CDH22: variants seen among roughly 807,000 people sequenced by gnomAD.
CDH22 encodes the protein cadherin 22, also known as cadherin-22.
Under a neutral mutation model 58.4 loss-of-function variants are expected in CDH22, and 30 were observed. The observed-to-expected ratio is 0.51, with a 90% CI of 0.38 to 0.70. The LOEUF (loss-of-function observed/expected upper bound fraction) is 0.70, where lower values mean the gene tolerates loss of function less well. Among genes scored for constraint, CDH22 ranks in the 30% least tolerant of loss-of-function variants. The pLI is 0.00. For synonymous variants in CDH22, 513 were observed against 558.2 expected (o/e 0.92, Z 1.14); for missense variants, 1,014 against 1,233.9 (o/e 0.82, Z 2.67).
At chr20:46,267,229 T>A (rs1568678724) in intron 1 of CDH22, among the ~76,000 whole-genome samples, 1 of 152,088 alleles carries the variant, frequency 6.6e-6, no homozygotes, top group Non-Finnish European at 1.5e-5. Flanking sequence ...TAGCAGATTC[T>A]GATGTTGGCC....
At chr20:46,200,971 A>G (rs916735131) in intron 7 of CDH22, among the ~76,000 whole-genome samples, 1 of 152,118 alleles carries the variant, frequency 6.6e-6, no homozygotes, top group Admixed American at 6.5e-5. Context: ...CGCGCGAGCT[A>G]ATCTGCAGCT....
At chr20:46,232,547 GCCTCTTCCCTA>G (rs2086226841) in intron 3 of CDH22, among the ~76,000 whole-genome samples, 1 of 152,176 alleles carries the variant, frequency 6.6e-6, no homozygotes. Context: ...TTATCATCCT[GCCTCTTCCCTA>G]CCTCCTTTTG....
chr20:46,189,110 G>T (rs1164384617), intron 8 of CDH22, among the ~76,000 whole-genome samples: 3 of 152,180 alleles, frequency 2.0e-5, no homozygotes, highest in East Asian at 1.9e-4. Flanking sequence ...CACCTCCTGG[G>T]GGGGCGGGCG....
chr20:46,200,639 G>T (rs2085953149), intron 7 of CDH22, among the ~76,000 whole-genome samples: 1 of 152,182 alleles, frequency 6.6e-6, no homozygotes, highest in African/African-American at 2.4e-5. Context: ...CAGAGACCGG[G>T]AGTGTGGGTG....
chr20:46,251,195 C>G lies in CDH22; in HGVS notation c.100G>C (p.Gly34Arg). 6.8e-7 allele frequency: 1 copy of G among 1,478,878 alleles called. No homozygotes were observed. Among genetic ancestry groups the G allele is most frequent in the African/African-American group, 1.5e-5 (1 of 68,060 alleles). 91.6% of individuals were successfully genotyped at this position (1,478,878 alleles called of 1,614,324 possible). ...GGTGTGCCCGCTGCCCACAGGCGCC[C>G]CAGCAGCGTCGGCGGCGGCGGCAGC... is the stretch of plus-strand genomic sequence containing the variant. ...LLLPPPPTLL[G>R]RLWAAGTPSP... Residue 34 changes from glycine to arginine, a missense_variant, in exon 2 of 12, where the codon GGG becomes CGG. By Grantham distance (125) the Gly-to-Arg change is moderately radical (BLOSUM62 -2). Transcript: ENST00000537909. The surrounding 1 kb of genome is among the most constrained non-coding windows in gnomAD (Gnocchi z 6.7).
chr20:46,305,714 G>C (rs1283880478), intron 1 of CDH22, among the ~76,000 whole-genome samples: 1 of 152,276 alleles, frequency 6.6e-6, no homozygotes, highest in African/African-American at 2.4e-5. Flanking sequence ...AGAACAGAGA[G>C]AGAGAGGAGA....
chr20:46,255,506 C>T (rs959675731), intron 1 of CDH22, among the ~76,000 whole-genome samples: 8 of 152,324 alleles, frequency 5.3e-5, no homozygotes, highest in South Asian at 2.1e-4. Flanking sequence ...AAGCCTGCCC[C>T]GCCTTGTGAG....
Position 46,270,323 on chromosome 20 carries a change from G to A in CDH22, c.-399-18630C>T, listed in dbSNP as rs891706817. On this transcript the variant is annotated intron_variant, in intron 1 of 11. Coordinates refer to ENST00000537909, the MANE Select transcript of CDH22 (RefSeq NM_021248.3). ...TCCCCAGGTAGGGCCTGCTGGGGCTGCAGGCTGCAGTGCAGTTTGGCCAAA... is the reference window on the plus strand; with the variant it reads ...TCCCCAGGTAGGGCCTGCTGGGGCTACAGGCTGCAGTGCAGTTTGGCCAAA... Among the ~76,000 whole-genome samples the A allele has an allele frequency of 2.6e-5, 4 of 152,314 alleles. No individual in the cohort carries two copies. In the South Asian group the frequency reaches 8.3e-4, roughly 32 times the overall value.
chr20:46,241,395 G>T lies in CDH22; in HGVS notation c.256-138C>A. 2 of 746,264 alleles carry T rather than the reference G, an allele frequency of 2.7e-6. No homozygotes were observed. Among genetic ancestry groups the T allele is most frequent in the Non-Finnish European group, 4.3e-6 (2 of 470,380 alleles). 46.2% of individuals were successfully genotyped at this position (746,264 alleles called of 1,614,324 possible). On this transcript the variant is annotated intron_variant, in intron 2 of 11. Transcript: ENST00000537909. This position sits in a 1 kb window ranked among gnomAD's most constrained non-coding sequence, Gnocchi z 5.2. ...ACACATCTTTAGTGAGGACACTGAG[G>T]CCCAGCAGCCACGCTCACTTCCATC...
intron 7 of CDH22, among the ~76,000 whole-genome samples, chr20:46,201,859 A>G (rs1416367096): frequency 5.9e-5 from 9 of 152,136 alleles, no homozygotes; most frequent in Non-Finnish European, 1.2e-4. Flanking sequence ...ATTCCTCCCT[A>G]GCATGCACCT....
chr20:46,174,577 C>G lies in CDH22; in HGVS notation c.2416G>C (p.Gly806Arg), dbSNP rs1317883569. The G allele has an allele frequency of 6.5e-7, 1 of 1,530,738 alleles. No individual in the cohort carries two copies. The highest frequency in any genetic ancestry group is 1.2e-5 in the South Asian group (1 of 82,934). The allele number at this position is 1,530,738 out of a possible 1,614,324, so 94.8% of individuals were successfully genotyped here. The change falls in exon 12 of 12, where the codon GGT becomes CGT. Residue 806 changes from glycine to arginine, a missense_variant. Transcript: ENST00000537909. This position sits in a 1 kb window ranked among gnomAD's most constrained non-coding sequence, Gnocchi z 4.4. ...GCGGCCAGGGGCCGGAAGCGCGGACCCCAGCTGCTGAGATAGGCGAAGTCC... is the reference window on the plus strand; with the variant it reads ...GCGGCCAGGGGCCGGAAGCGCGGACGCCAGCTGCTGAGATAGGCGAAGTCC... ...EQDFAYLSSW[G>R]PRFRPLAALY... is the part of the protein sequence containing the mutation.
At chr20:46,175,795 C>T (rs1033312067) in intron 11 of CDH22, among the ~76,000 whole-genome samples, 18 of 152,306 alleles carry the variant, frequency 1.2e-4, no homozygotes, top group African/African-American at 4.3e-4. Context: ...ACAAGACCTG[C>T]AGACCTGAAG....
chr20:46,184,438 C>G (rs1277443410), intron 10 of CDH22, among the ~76,000 whole-genome samples: 1 of 152,130 alleles, frequency 6.6e-6, no homozygotes, highest in African/African-American at 2.4e-5. Flanking sequence ...TTATCAAACA[C>G]CTACGATATG....
intron 8 of CDH22, among the ~76,000 whole-genome samples, chr20:46,191,643 G>A (rs1162342508): frequency 6.6e-6 from 1 of 152,186 alleles, no homozygotes; most frequent in African/African-American, 2.4e-5. Flanking sequence ...GAGGAAACGG[G>A]CTCAGAGGGG....
chr20:46,183,754 T>C (rs907678448), intron 10 of CDH22, among the ~76,000 whole-genome samples: 13 of 61,360 alleles, frequency 2.1e-4, no homozygotes, highest in African/African-American at 9.0e-4. Flanking sequence ...GGGTCTGGCT[T>C]CAGAGGCCAC....
chr20:46,290,437 A>C (rs998715592), intron 1 of CDH22, among the ~76,000 whole-genome samples: 2 of 152,204 alleles, frequency 1.3e-5, no homozygotes, highest in African/African-American at 4.8e-5. Context: ...ACGACAAAGA[A>C]TTATCCAGCC....
Position 46,251,124 on chromosome 20 carries a change from G to A in CDH22, c.171C>T (p.Ala57=), listed in dbSNP as rs575274669. 86 of 1,606,396 alleles carry A rather than the reference G, an allele frequency of 5.4e-5. No individual in the cohort carries two copies. Among genetic ancestry groups the A allele is most frequent in the South Asian group, 3.9e-4 (35 of 90,830 alleles). ...PGARQDGALG[A]GRVKRGWVWN... ...ACACCCAGCCGCGTTTGACGCGGCC[G>A]GCTCCCAGCGCGCCGTCCTGCCGAG... Residue 57 remains alanine (A), a synonymous_variant, in exon 2 of 12, where the codon GCC becomes GCT. Transcript: ENST00000537909. This position sits in a 1 kb window ranked among gnomAD's most constrained non-coding sequence, Gnocchi z 6.7.
At position 46,241,325 on chromosome 20, in the gene CDH22, T is replaced by C. The variant is rs2086288967; in HGVS notation, c.256-68A>G. ...AGCTCCTCTTGGCCTCACTGTCTCA[T>C]GCCATTGGCTGCCTATTCCTAAGCC... On this transcript the variant is annotated intron_variant, in intron 2 of 11. Transcript: ENST00000537909. The surrounding 1 kb of genome is among the most constrained non-coding windows in gnomAD (Gnocchi z 5.2). 2 of 1,310,366 alleles carry C rather than the reference T, an allele frequency of 1.5e-6. No individual in the cohort carries two copies. The highest frequency in any genetic ancestry group is 1.5e-5 in the South Asian group (1 of 68,204). The allele number at this position is 1,310,366 out of a possible 1,614,324, so 81.2% of individuals were successfully genotyped here. A position where few individuals can be genotyped will look rare whatever the true frequency, so the allele number is the denominator to read the frequency against.
chr20:46,287,593 C>T lies in CDH22; in HGVS notation c.-400+20662G>A, dbSNP rs536961127. 5.2e-4 allele frequency among the ~76,000 whole-genome samples: 79 copies of T among 151,220 alleles called. 1 individual carries two copies. In the South Asian group the frequency reaches 6.3e-3, roughly 12 times the overall value. On this transcript the variant is annotated intron_variant, in intron 1 of 11. Transcript: ENST00000537909. ...CTGAAAGGCAGCGGGGAGGTTGGCA[C>T]GTCAGGAGCAATGGGGAAGAAGGCC...
Sources: gnomAD v4.1 joint callset for allele counts (sites outside exome capture counted in the v4.1 genomes callset) on GRCh38, gnomAD v4.1.1 for gene constraint, Gnocchi (gnomAD v3.1) non-coding constraint, MANE v1.5 for transcripts, NCBI Gene and HGNC (gene_info 2026-07-23, HGNC 2026-07-21) for gene names.